PTTG1IP: variants seen among roughly 807,000 people sequenced by gnomAD.
The protein encoded by PTTG1IP is PTTG1 interacting protein.
Under a neutral mutation model 24.4 loss-of-function variants are expected in PTTG1IP, and 16 were observed. That is an observed-to-expected ratio of 0.66 (90% CI 0.44 to 1.00). The LOEUF (loss-of-function observed/expected upper bound fraction) is 1.00. PTTG1IP is among the 50% of genes least tolerant of loss of function. The pLI is 0.00. For missense variants in PTTG1IP, 241 were observed against 245.8 expected, an observed-to-expected ratio of 0.98 and a Z score of 0.13; for synonymous variants, 89 against 96.8, an observed-to-expected ratio of 0.92 and a Z score of 0.47.
intron 5 of PTTG1IP, 115 bp from the exon 6 acceptor site, chr21:44,851,742 G>A: frequency 1.5e-6 from 2 of 1,315,492 alleles, no homozygotes; most frequent in Non-Finnish European, 2.1e-6. Flanking sequence ...AGCAACAACG[G>A]GCATTGTAAG....
Position 44,851,198 on chromosome 21 carries a change from T to C in PTTG1IP, c.*383A>G, listed in dbSNP as rs2083407695. The C allele has an allele frequency of 1.2e-6, 1 of 831,550 alleles. No individual in the cohort carries two copies. The highest frequency in any genetic ancestry group is 2.0e-5 in the South Asian group (1 of 50,364). The allele number at this position is 831,550 out of a possible 1,614,324, so 51.5% of individuals were successfully genotyped here. On this transcript the variant is annotated 3_prime_UTR_variant, in exon 6 of 6. Transcript: ENST00000330938. ...GTCAAACCGACTTCCCTGTGTTGCG[T>C]GTGAAGCTTGTTAGTGGACAGAGAG...
chr21:44,856,328 A>T lies in PTTG1IP; in HGVS notation c.314T>A (p.Val105Asp). 1 of 1,614,054 alleles carries T rather than the reference A, an allele frequency of 6.2e-7. No individual in the cohort carries two copies. The highest frequency in any genetic ancestry group is 8.5e-7 in the Non-Finnish European group (1 of 1,179,964). The change falls in exon 4 of 6, where the codon GTC (valine) becomes GAC (aspartate). Residue 105 changes from valine (V) to aspartate (D), a missense_variant. Coordinates refer to ENST00000330938, the MANE Select transcript of PTTG1IP (RefSeq NM_004339.4). ...FEALIITMSV[V>D]GGTLLLGIAI... Reference sequence around the variant, plus strand: ...AATGCCCAGGAGGAGGGTTCCCCCGACTACCGACATGGTGATGATCAGCGC... The same window carrying T: ...AATGCCCAGGAGGAGGGTTCCCCCGTCTACCGACATGGTGATGATCAGCGC...
intron 5 of PTTG1IP, among the ~76,000 whole-genome samples, chr21:44,852,165 C>G (rs2083415536): frequency 6.6e-6 from 1 of 152,122 alleles, no homozygotes; most frequent in African/African-American, 2.4e-5. Context: ...CACACATACA[C>G]ACACTCTCTC....
chr21:44,864,269 A>C (rs1196474039), intron 2 of PTTG1IP, among the ~76,000 whole-genome samples: 1 of 152,230 alleles, frequency 6.6e-6, no homozygotes, highest in African/African-American at 2.4e-5. Flanking sequence ...TAGCGCTGCG[A>C]GGAGACTTGG....
chr21:44,853,145 G>A (rs565991865), intron 5 of PTTG1IP, among the ~76,000 whole-genome samples: 56 of 152,318 alleles, frequency 3.7e-4, no homozygotes, highest in African/African-American at 1.2e-3. Context: ...GGTGATAACA[G>A]GTGCTGGGCA....
At chr21:44,867,036 G>A (rs142004425) in intron 1 of PTTG1IP, among the ~76,000 whole-genome samples, 58 of 152,338 alleles carry the variant, frequency 3.8e-4, no homozygotes, top group African/African-American at 1.3e-3. Context: ...GGAAGGCTCC[G>A]TGACAGCCCC....
At position 44,870,211 on chromosome 21, in the gene PTTG1IP, C is replaced by G. The variant is rs552855090; in HGVS notation, c.115+3291G>C. On this transcript the variant is annotated intron_variant, in intron 1 of 5. Transcript: ENST00000330938. ...ACATCAAAGATGAAAAAAGGTCATTCTATTCTATCCTTTGAAAACATATCA... is the reference window on the plus strand; with the variant it reads ...ACATCAAAGATGAAAAAAGGTCATTGTATTCTATCCTTTGAAAACATATCA... Among the ~76,000 whole-genome samples the G allele has an allele frequency of 1.1e-4, 17 of 152,308 alleles. 1 individual carries two copies. Among genetic ancestry groups the G allele is most frequent in the African/African-American group, 4.1e-4 (17 of 41,574 alleles).
intron 1 of PTTG1IP, 86 bp downstream of exon 1, chr21:44,873,416 C>G (rs1292003854): frequency 8.4e-7 from 1 of 1,186,444 alleles, no homozygotes; most frequent in Non-Finnish European, 1.0e-6. Flanking sequence ...GCCCAGCGCC[C>G]TGGCCGAAAC....
intron 5 of PTTG1IP, among the ~76,000 whole-genome samples, chr21:44,854,369 G>A (rs1001836633): frequency 3.3e-5 from 5 of 152,246 alleles, no homozygotes; most frequent in Admixed American, 2.6e-4. Flanking sequence ...AGATTCCTGA[G>A]GCCCACGGCT....
At chr21:44,862,312 A>T (rs1489514142) in intron 2 of PTTG1IP, among the ~76,000 whole-genome samples, 1 of 152,194 alleles carries the variant, frequency 6.6e-6, no homozygotes, top group African/African-American at 2.4e-5. Flanking sequence ...CTGAGGTCAG[A>T]AGTTCGGGAT....
chr21:44,863,291 G>A lies in PTTG1IP; in HGVS notation c.169-2020C>T, dbSNP rs143839412. Among the ~76,000 whole-genome samples, 62 of 90,580 alleles carry A rather than the reference G, an allele frequency of 6.8e-4. 5 individuals are homozygous for A. Among genetic ancestry groups the A allele is most frequent in the African/African-American group, 3.3e-3 (51 of 15,238 alleles). The allele number at this position is 90,580 out of a possible 152,430, so 59.4% of individuals were successfully genotyped here. On this transcript the variant is annotated intron_variant, in intron 2 of 5. Coordinates refer to ENST00000330938, the MANE Select transcript of PTTG1IP (RefSeq NM_004339.4). Reference sequence around the variant, plus strand: ...TCGGCAACACAGAGACACACAGCCCGCCACGGCCTCAGGAGCGTGGACACA... The same window carrying A: ...TCGGCAACACAGAGACACACAGCCCACCACGGCCTCAGGAGCGTGGACACA...
intron 1 of PTTG1IP, among the ~76,000 whole-genome samples, chr21:44,867,726 A>G (rs1412395733): frequency 6.6e-6 from 1 of 152,250 alleles, no homozygotes; most frequent in Non-Finnish European, 1.5e-5. Flanking sequence ...GCATGGCGAC[A>G]CGGCTGAAGT....
At chr21:44,864,052 C>T (rs947966475) in intron 2 of PTTG1IP, among the ~76,000 whole-genome samples, 3 of 152,248 alleles carry the variant, frequency 2.0e-5, no homozygotes, top group African/African-American at 7.2e-5. Context: ...ACATCTTTCC[C>T]GGCCTCCTCA....
chr21:44,862,484 A>G (rs1224186709), intron 2 of PTTG1IP, among the ~76,000 whole-genome samples: 1 of 152,072 alleles, frequency 6.6e-6, no homozygotes, highest in Non-Finnish European at 1.5e-5. Flanking sequence ...GCACCATTGC[A>G]CTCCAGCCTG....
intron 1 of PTTG1IP, among the ~76,000 whole-genome samples, chr21:44,869,069 C>T (rs1403584306): frequency 1.3e-5 from 2 of 152,166 alleles, no homozygotes; most frequent in Admixed American, 6.5e-5. Flanking sequence ...GCACCTGAAT[C>T]GAATCAAAGG....
chr21:44,854,170 C>G (rs531139700), intron 5 of PTTG1IP, among the ~76,000 whole-genome samples: 2 of 152,292 alleles, frequency 1.3e-5, no homozygotes, highest in East Asian at 3.9e-4. Flanking sequence ...ACCCGATGAC[C>G]GAGAACCGCA....
chr21:44,868,018 CAG>C (rs1601257883), intron 1 of PTTG1IP, among the ~76,000 whole-genome samples: 1 of 152,338 alleles, frequency 6.6e-6, no homozygotes, highest in Non-Finnish European at 1.5e-5. Flanking sequence ...GTACTTTTCT[CAG>C]AGTCTCTAGC....
chr21:44,858,645 G>A (rs1353137663), intron 3 of PTTG1IP, among the ~76,000 whole-genome samples: 1 of 152,210 alleles, frequency 6.6e-6, no homozygotes, highest in Non-Finnish European at 1.5e-5. Context: ...CTGTGACTGT[G>A]ACTAGTCACC....
chr21:44,854,346 G>A (rs1038045625), intron 5 of PTTG1IP, among the ~76,000 whole-genome samples: 5 of 152,220 alleles, frequency 3.3e-5, no homozygotes, highest in African/African-American at 1.2e-4. Flanking sequence ...AAGCACCGTG[G>A]GCGCAGGACG....
Sources: allele counts gnomAD v4.1 joint callset (sites outside exome capture counted in the v4.1 genomes callset), GRCh38; gene constraint gnomAD v4.1.1; transcripts MANE v1.5; gene names NCBI Gene and HGNC (gene_info 2026-07-23, HGNC 2026-07-21).